NOTCH2: variants seen among roughly 807,000 people sequenced by gnomAD.
The protein encoded by NOTCH2 is notch receptor 2, also known as neurogenic locus notch homolog protein 2.
NOTCH2 carries 29 observed loss-of-function variants against 235.8 expected under a neutral mutation model. That is an observed-to-expected ratio of 0.12 (90% CI 0.09 to 0.17). The LOEUF (loss-of-function observed/expected upper bound fraction) is 0.17, where lower values mean the gene tolerates loss of function less well. Ranked by LOEUF, NOTCH2 falls within the 10% of genes least tolerant of loss-of-function variation. The pLI, the probability that NOTCH2 is intolerant of heterozygous loss-of-function variation, is 1.00. For missense variants in NOTCH2, 2,285 were observed against 3,150.2 expected (o/e 0.73, Z 6.57); for synonymous variants, 1,086 against 1,141.5 (o/e 0.95, Z 0.98).
Position 119,976,807 on chromosome 1 carries a change from T to C in NOTCH2, c.875-7063A>G, listed in dbSNP as rs183951467. On this transcript the variant is annotated intron_variant, in intron 5 of 33. Transcript: ENST00000256646. ...TTCATTTCTCAAAATGATCACATTC[T>C]TTCCCTCCTCAGTGGCTAGCACACG... Among the ~76,000 whole-genome samples, 15 of 152,222 alleles carry C rather than the reference T, an allele frequency of 9.9e-5. 1 individual carries two copies. Among genetic ancestry groups the C allele is most frequent in the Admixed American group, 7.9e-4 (12 of 15,264 alleles).
rs781845893 is a variant in NOTCH2 at position 120,005,356 on chromosome 1, C to G, written c.388G>C (p.Glu130Gln). The change falls in exon 3 of 34, where the codon GAG (glutamate) becomes CAG (glutamine). Residue 130 changes from glutamate to glutamine, a missense_variant. This residue lies in a region of NOTCH2 where 431 missense variants were observed against 757.8 expected (regional missense o/e 0.57). Transcript: ENST00000256646. Reference sequence around the variant, plus strand: ...GTAAACCCGACTTGACAGGTGCACTCATAGGTATCCCGGCTGAGCATATGG... The same window carrying G: ...GTAAACCCGACTTGACAGGTGCACTGATAGGTATCCCGGCTGAGCATATGG... ...TCHMLSRDTYECTCQVGFTGK... is the reference protein window; with the variant it reads ...TCHMLSRDTYQCTCQVGFTGK... 6.2e-7 allele frequency: 1 copy of G among 1,613,924 alleles called. No individual in the cohort carries two copies. The highest frequency in any genetic ancestry group is 8.5e-7 in the Non-Finnish European group (1 of 1,179,878).
Position 119,950,824 on chromosome 1 carries a change from C to T in NOTCH2, c.2379G>A (p.Gln793=). Reference sequence around the variant, plus strand: ...TTGAGGCACATTCATCAATATTCACCTGGCAGTTATAGCCTGTAGACAAAA... The same window carrying T: ...TTGAGGCACATTCATCAATATTCACTTGGCAGTTATAGCCTGTAGACAAAA... The part of the protein sequence containing the change: ...CKKGFKGYNC[Q]VNIDECASNP... Residue 793 remains glutamine, a synonymous_variant, in exon 15 of 34, where the codon CAG becomes CAA. Transcript: ENST00000256646. 6.2e-7 allele frequency: 1 copy of T among 1,612,464 alleles called. No individual in the cohort carries two copies. The highest frequency in any genetic ancestry group is 8.5e-7 in the Non-Finnish European group (1 of 1,178,456).
At chr1:120,015,259 T>C (rs1653392431) in intron 2 of NOTCH2, among the ~76,000 whole-genome samples, 2 of 152,216 alleles carry the variant, frequency 1.3e-5, no homozygotes, top group Admixed American at 1.3e-4. Context: ...AGAAAATTCT[T>C]TGAACAGAAC....
In NOTCH2 at chr1:120,069,570, C is replaced by T. The variant is rs1553218051; in HGVS notation, c.-164G>A. ...AAGCCCAGGCGCAAATGCCTCGACT[C>T]CCCGCGCCCCGAGTCCGCCGCTCCT... On this transcript the variant is annotated 5_prime_UTR_variant, in exon 1 of 34. Transcript: ENST00000256646. 3 of 1,409,890 alleles carry T rather than the reference C, an allele frequency of 2.1e-6. No individual in the cohort carries two copies. Among genetic ancestry groups the T allele is most frequent in the Admixed American group, 6.4e-5 (2 of 31,042 alleles). The allele number at this position is 1,409,890 out of a possible 1,614,324, so 87.3% of individuals were successfully genotyped here.
intron 18 of NOTCH2, 54 bp downstream of exon 18, chr1:119,941,472 C>T: frequency 7.7e-7 from 1 of 1,303,678 alleles, no homozygotes; most frequent in Non-Finnish European, 1.1e-6. Context: ...AAATTTCCTT[C>T]CCTTTCTCCC....
intron 12 of NOTCH2, 47 bp from the exon 13 acceptor site, chr1:119,955,279 A>T: frequency 6.4e-7 from 1 of 1,571,872 alleles, no homozygotes; most frequent in Non-Finnish European, 8.8e-7. Flanking sequence ...ATGCTTAGGA[A>T]ATAGACCCAG....
chr1:119,925,797 G>T lies in NOTCH2; in HGVS notation c.4019C>A (p.Ala1340Glu). The change falls in exon 25 of 34, where the codon GCA becomes GAA. Residue 1340 changes from alanine to glutamate, a missense_variant. Physicochemically the swap from Ala to Glu is moderately radical, Grantham distance 107 (BLOSUM62 -1). Coordinates refer to ENST00000256646, the MANE Select transcript of NOTCH2 (RefSeq NM_024408.4). ...ICRCPPGFSGARCQSSCGQVK... is the reference protein window; with the variant it reads ...ICRCPPGFSGERCQSSCGQVK... ...TTGTCCACAGCTGCTCTGGCACCTT[G>T]CCCCGGAAAATCCCTGTGGAAATCA... The T allele has an allele frequency of 6.2e-7, 1 of 1,614,086 alleles. No homozygotes were observed. The highest frequency in any genetic ancestry group is 8.5e-7 in the Non-Finnish European group (1 of 1,180,026).
At chr1:119,988,602 T>C (rs1266429517) in intron 4 of NOTCH2, among the ~76,000 whole-genome samples, 2 of 152,196 alleles carry the variant, frequency 1.3e-5, no homozygotes, top group Non-Finnish European at 2.9e-5. Flanking sequence ...TGGGATCTAC[T>C]AGGTCCTTGA....
At chr1:119,921,268 G>C (rs1359460641) in intron 29 of NOTCH2, among the ~76,000 whole-genome samples, 1 of 152,184 alleles carries the variant, frequency 6.6e-6, no homozygotes, top group Non-Finnish European at 1.5e-5. Context: ...TCAAGGTATG[G>C]AGCCTCCAAT....
At chr1:119,934,951 C>T (rs967451564) in intron 22 of NOTCH2, among the ~76,000 whole-genome samples, 42 of 152,168 alleles carry the variant, frequency 2.8e-4, no homozygotes, top group African/African-American at 9.4e-4. Context: ...CTCAACAGTC[C>T]AGGGTTGCAT....
chr1:119,980,733 T>A lies in NOTCH2; in HGVS notation c.874+6227A>T, dbSNP rs1651781667. On this transcript the variant is annotated intron_variant, in intron 5 of 33. Coordinates refer to ENST00000256646, the MANE Select transcript of NOTCH2 (RefSeq NM_024408.4). ...AATGTCAAAATAAGTAAGAGCAGTT[T>A]CCTGCCTTCCAGAGGCTGATAGTCT... 2.0e-5 allele frequency among the ~76,000 whole-genome samples: 3 copies of A among 152,190 alleles called. No homozygotes were observed. The South Asian group carries it at 6.2e-4, about 31-fold the overall frequency.
At chr1:119,920,872 C>A (rs1004838216) in intron 29 of NOTCH2, among the ~76,000 whole-genome samples, 1 of 152,054 alleles carries the variant, frequency 6.6e-6, no homozygotes, top group Admixed American at 6.6e-5. Context: ...AACATAGCAC[C>A]CAACATGTAG....
At chr1:119,980,704 T>C (rs1323567804) in intron 5 of NOTCH2, among the ~76,000 whole-genome samples, 2 of 152,216 alleles carry the variant, frequency 1.3e-5, no homozygotes, top group Non-Finnish European at 2.9e-5. Flanking sequence ...AAATCAGTTC[T>C]GGGAATGTCA....
At chr1:119,974,335 C>A (rs2101156735) in intron 5 of NOTCH2, among the ~76,000 whole-genome samples, 1 of 152,304 alleles carries the variant, frequency 6.6e-6, no homozygotes, top group African/African-American at 2.4e-5. Context: ...AGGCTACTGT[C>A]ATTTTTTTAA....
chr1:119,930,051 T>C (rs1649602658), intron 22 of NOTCH2, among the ~76,000 whole-genome samples: 1 of 152,236 alleles, frequency 6.6e-6, no homozygotes, highest in Non-Finnish European at 1.5e-5. Flanking sequence ...GTTTGGAGCC[T>C]AGGTGTGTAG....
At chr1:119,984,567 A>G (rs1209535781) in intron 5 of NOTCH2, among the ~76,000 whole-genome samples, 1 of 152,202 alleles carries the variant, frequency 6.6e-6, no homozygotes, top group Non-Finnish European at 1.5e-5. Context: ...CACAGAAAAG[A>G]CTAATCTGAA....
At chr1:119,941,449 G>A in intron 18 of NOTCH2, 77 bp downstream of exon 18, 2 of 1,023,124 alleles carry the variant, frequency 2.0e-6, no homozygotes, top group Non-Finnish European at 3.1e-6. Flanking sequence ...CACAATTCTA[G>A]CATTGTGCTC....
rs587769000 is a variant in NOTCH2, at chr1:119,977,313, C to A, written c.875-7569G>T. ...CTTGTCTACACCACCAGTTCACACG[C>A]AAACCCCTCATCCCAGTCCCCTTCC... On this transcript the variant is annotated intron_variant, in intron 5 of 33. Transcript: ENST00000256646. Among the ~76,000 whole-genome samples the A allele has an allele frequency of 3.5e-4, 53 of 151,966 alleles. No individual in the cohort carries two copies. In the East Asian group the frequency reaches 7.1e-3, roughly 20 times the overall value.
intron 1 of NOTCH2, among the ~76,000 whole-genome samples, chr1:120,046,103 G>A (rs1472558638): frequency 6.8e-6 from 1 of 146,266 alleles, no homozygotes; most frequent in Non-Finnish European, 1.5e-5. Flanking sequence ...AGGGTTTGAA[G>A]GGTCCTGCTT....
Sources: allele counts gnomAD v4.1 joint callset (sites outside exome capture counted in the v4.1 genomes callset), GRCh38; gene constraint gnomAD v4.1.1; regional missense constraint gnomAD v4.1.1; transcripts MANE v1.5; gene names NCBI Gene and HGNC (gene_info 2026-07-23, HGNC 2026-07-21).